The following PCDH17 variants were observed in gnomAD, a reference collection of about 807,000 sequenced individuals.
The protein encoded by PCDH17 is protocadherin-17.
Under a neutral mutation model 67.7 loss-of-function variants are expected in PCDH17, and 21 were observed. The observed-to-expected ratio is 0.31, with a 90% CI of 0.22 to 0.45. PCDH17 has a LOEUF of 0.45. PCDH17 is among the 20% of genes least tolerant of loss of function. The pLI is 1.00. For missense variants in PCDH17, 1,471 were observed against 1,564.8 expected (o/e 0.94, Z 1.01); for synonymous variants, 701 against 656.7 (o/e 1.07, Z -1.03).
intron 3 of PCDH17, among the ~76,000 whole-genome samples, chr13:57,689,175 G>A (rs1206409775): frequency 6.6e-6 from 1 of 152,010 alleles, no homozygotes; most frequent in Non-Finnish European, 1.5e-5. Context: ...GAGTACAAAT[G>A]TACAAAGTAC....
chr13:57,644,263 G>A (rs760930731), intron 1 of PCDH17, among the ~76,000 whole-genome samples: 1 of 151,552 alleles, frequency 6.6e-6, no homozygotes, highest in Non-Finnish European at 1.5e-5. Context: ...ACATTTTAAG[G>A]ATCCTTGGCA....
At chr13:57,700,327 T>TC (rs1955650213) in intron 3 of PCDH17, among the ~76,000 whole-genome samples, 1 of 151,682 alleles carries the variant, frequency 6.6e-6, no homozygotes, top group Admixed American at 6.6e-5. Context: ...CTCTCTTTTT[T>TC]TTTTTTTTTT....
upstream of PCDH17, among the ~76,000 whole-genome samples, chr13:57,630,809 G>A (rs1290617517): frequency 6.6e-6 from 1 of 152,192 alleles, no homozygotes; most frequent in East Asian, 1.9e-4. Flanking sequence ...GTGAAGGGAG[G>A]ACCATGAGGC....
At chr13:57,636,051 A>G (rs1265534388) in intron 1 of PCDH17, among the ~76,000 whole-genome samples, 1 of 152,238 alleles carries the variant, frequency 6.6e-6, no homozygotes, top group East Asian at 1.9e-4. Context: ...TATATAAGAT[A>G]GTATGCTTCA....
intron 3 of PCDH17, among the ~76,000 whole-genome samples, chr13:57,701,832 T>A (rs1198666101): frequency 6.6e-6 from 1 of 152,168 alleles, no homozygotes; most frequent in Non-Finnish European, 1.5e-5. Flanking sequence ...TGTATTTGTT[T>A]TATTACATAT....
chr13:57,645,416 T>G (rs1954953070), intron 1 of PCDH17, among the ~76,000 whole-genome samples: 1 of 151,618 alleles, frequency 6.6e-6, no homozygotes, highest in African/African-American at 2.4e-5. Flanking sequence ...AGATACATGC[T>G]GGAATTTGGA....
At chr13:57,649,090 AAT>A (rs1270678842) in intron 1 of PCDH17, among the ~76,000 whole-genome samples, 1 of 152,108 alleles carries the variant, frequency 6.6e-6, no homozygotes, top group Non-Finnish European at 1.5e-5. Context: ...TATGAGATCA[AAT>A]TTCTGAAATA....
At position 57,666,250 on chromosome 13, in the gene PCDH17, A is replaced by G. The variant is rs181422038; in HGVS notation, c.2566-218A>G. ...AGAGAATGCCAGTTATGACAGGCTC[A>G]TTGTTTACTTTAACAGGTAATTTGT... On this transcript the variant is annotated intron_variant, in intron 1 of 3. Transcript: ENST00000377918. 1.4e-4 allele frequency among the ~76,000 whole-genome samples: 21 copies of G among 152,302 alleles called. No individual in the cohort carries two copies. In the East Asian group the frequency reaches 3.7e-3, roughly 27 times the overall value.
intron 1 of PCDH17, among the ~76,000 whole-genome samples, chr13:57,640,784 A>G (rs1954881387): frequency 6.6e-6 from 1 of 152,080 alleles, no homozygotes; most frequent in South Asian, 2.1e-4. Context: ...AGGAGGAAGA[A>G]GAAGCCACTA....
intron 1 of PCDH17, among the ~76,000 whole-genome samples, chr13:57,655,350 G>C (rs769606694): frequency 6.6e-6 from 1 of 151,696 alleles, no homozygotes; most frequent in Non-Finnish European, 1.5e-5. Context: ...TAAGAATGGT[G>C]AATTTTGTTT....
intron 3 of PCDH17, among the ~76,000 whole-genome samples, chr13:57,715,202 C>T (rs1955807576): frequency 6.6e-6 from 1 of 151,772 alleles, no homozygotes. Flanking sequence ...CAATAGACAG[C>T]TATTATGTAC....
intron 3 of PCDH17, among the ~76,000 whole-genome samples, chr13:57,721,118 T>C (rs777288785): frequency 9.9e-5 from 15 of 152,092 alleles, no homozygotes; most frequent in Non-Finnish European, 2.1e-4. Context: ...TACTTTAGAA[T>C]TGTTTTCTTT....
chr13:57,710,027 G>A (rs1593944893), intron 3 of PCDH17, among the ~76,000 whole-genome samples: 1 of 151,598 alleles, frequency 6.6e-6, no homozygotes, highest in East Asian at 1.9e-4. Flanking sequence ...AGTTTAAGTG[G>A]GCCAAATCTT....
At chr13:57,702,677 C>T (rs1348754892) in intron 3 of PCDH17, among the ~76,000 whole-genome samples, 1 of 152,130 alleles carries the variant, frequency 6.6e-6, no homozygotes, top group African/African-American at 2.4e-5. Flanking sequence ...TCTCCCTTTG[C>T]CTCCACTGTG....
At chr13:57,701,353 T>C (rs561949578) in intron 3 of PCDH17, among the ~76,000 whole-genome samples, 1 of 152,246 alleles carries the variant, frequency 6.6e-6, no homozygotes, top group East Asian at 1.9e-4. Flanking sequence ...ACGGTAGATA[T>C]GAGATACTGT....
intron 1 of PCDH17, among the ~76,000 whole-genome samples, chr13:57,652,423 T>G (rs1955054122): frequency 6.6e-6 from 1 of 152,216 alleles, no homozygotes; most frequent in African/African-American, 2.4e-5. Context: ...TTAGATGATT[T>G]TAAGAGTGAC....
intron 3 of PCDH17, among the ~76,000 whole-genome samples, chr13:57,708,347 T>A (rs1190927659): frequency 6.6e-6 from 1 of 152,004 alleles, no homozygotes; most frequent in African/African-American, 2.4e-5. Context: ...GTCCTAGACT[T>A]TGAACTTTTT....
rs569082025 is a variant in PCDH17, at chr13:57,694,689, G to A, written c.2797+27856G>A. Among the ~76,000 whole-genome samples the A allele has an allele frequency of 1.3e-3, 200 of 150,748 alleles. 1 individual carries two copies. The highest frequency in any genetic ancestry group is 5.1e-4 in the Non-Finnish European group (34 of 67,156). On this transcript the variant is annotated intron_variant, in intron 3 of 3. Transcript: ENST00000377918. ...CCTGAAGTGAAGTCCTTTTACTTGA[G>A]GTCAGCATTTTATTATTAAAAAATT...
At chr13:57,674,921 AACAG>A (rs772120535) in intron 3 of PCDH17, among the ~76,000 whole-genome samples, 1 of 151,882 alleles carries the variant, frequency 6.6e-6, no homozygotes, top group Non-Finnish European at 1.5e-5. Context: ...TTTATAAGAA[AACAG>A]ACAGTTTCCA....
Sources: allele counts gnomAD v4.1 joint callset (sites outside exome capture counted in the v4.1 genomes callset), GRCh38; gene constraint gnomAD v4.1.1; transcripts MANE v1.5; gene names NCBI Gene and HGNC (gene_info 2026-07-23, HGNC 2026-07-21).